Variants in PCDHA1 observed in about 807,000 individuals in gnomAD.
The protein encoded by PCDHA1 is protocadherin alpha 1, also known as protocadherin alpha-1.
In PCDHA1, 42 loss-of-function variants were observed where a neutral mutation model predicts 61.3. The ratio of observed to expected loss-of-function variants is 0.69; its 90% CI spans 0.54 to 0.89. The LOEUF is 0.89. PCDHA1 is among the 40% of genes least tolerant of loss of function. The probability of loss-of-function intolerance (pLI) is 0.00; values close to 1 mark genes in which losing one functional copy is unlikely to be tolerated. For missense variants in PCDHA1, 1,256 were observed against 1,235.3 expected, an observed-to-expected ratio of 1.02 and a Z score of -0.25; for synonymous variants, 610 against 553.8, an observed-to-expected ratio of 1.10 and a Z score of -1.43.
chr5:140,851,254 A>G (rs2150271165), intron 1 of PCDHA1: 1 of 1,091,684 alleles, frequency 9.2e-7, no homozygotes, highest in East Asian at 4.0e-5. Context: ...GATGCATAGT[A>G]TTTTAGTCTA....
intron 1 of PCDHA1, among the ~76,000 whole-genome samples, chr5:140,941,202 C>CCTTTCTTCCTTTCTTTCTTTCTTTCTTT (rs1394736170): frequency 6.0e-4 from 74 of 122,806 alleles, no homozygotes; most frequent in Middle Eastern, 4.2e-3. Flanking sequence ...TTTCTTTCTT[C>CCTTTCTTCCTTTCTTTCTTTCTTTCTTT]CTTTCTTTCT....
chr5:140,899,056 G>C (rs1370417194), intron 1 of PCDHA1, among the ~76,000 whole-genome samples: 14 of 152,060 alleles, frequency 9.2e-5, no homozygotes, highest in Non-Finnish European at 2.9e-5. Flanking sequence ...CTGAGACTTT[G>C]CTGAAGTTGC....
chr5:140,823,828 G>A, intron 1 of PCDHA1: 1 of 1,613,824 alleles, frequency 6.2e-7, no homozygotes, highest in Non-Finnish European at 8.5e-7. Context: ...GTCGGCGGGC[G>A]CTGTGGGTCC....
At chr5:140,939,768 G>A (rs1241071492) in intron 1 of PCDHA1, among the ~76,000 whole-genome samples, 1 of 152,162 alleles carries the variant, frequency 6.6e-6, no homozygotes, top group Non-Finnish European at 1.5e-5. Context: ...TAGTATTTCA[G>A]GGTGTGAATG....
chr5:140,806,250 T>A (rs1351853835), intron 1 of PCDHA1, among the ~76,000 whole-genome samples: 8 of 152,148 alleles, frequency 5.3e-5, no homozygotes, highest in Non-Finnish European at 1.0e-4. Context: ...AAAAAAGCTA[T>A]TGGAAGCAGG....
rs976941925 is a variant in PCDHA1, at chr5:140,854,525, C to T, written c.2394+65841C>T. 1.3e-5 allele frequency: 2 copies of T among 149,636 alleles called. 1 individual carries two copies. The highest frequency in any genetic ancestry group is 4.9e-5 in the African/African-American group (2 of 40,820). 9.3% of individuals were successfully genotyped at this position (149,636 alleles called of 1,614,324 possible). A position where few individuals can be genotyped will look rare whatever the true frequency, so the allele number is the denominator to read the frequency against. On this transcript the variant is annotated intron_variant, in intron 1 of 3. Transcript: ENST00000504120. ...CATAAACTGATGGATTAAGTGACAC[C>T]CATTTCTGTCAGTTTTCTTATTCAT...
rs1554117607 is a variant in PCDHA1, at chr5:140,786,938, T to C, written c.648T>C (p.Asp216=). The part of the protein sequence containing the change: ...PELHLLLTAT[D]GGKPELQGTV... ...TTCACTTATTACTGACTGCCACTGA[T>C]GGGGGCAAACCGGAGCTGCAAGGTA... Residue 216 remains aspartate, a synonymous_variant, in exon 1 of 4, where the codon GAT becomes GAC. Coordinates refer to ENST00000504120, the MANE Select transcript of PCDHA1 (RefSeq NM_018900.4). 9.9e-6 allele frequency: 16 copies of C among 1,614,022 alleles called. No homozygotes were observed. Among genetic ancestry groups the C allele is most frequent in the Non-Finnish European group, 1.4e-5 (16 of 1,180,022 alleles).
At chr5:140,989,810 AT>A (rs2097361628) in intron 3 of PCDHA1, among the ~76,000 whole-genome samples, 1 of 152,192 alleles carries the variant, frequency 6.6e-6, no homozygotes, top group Non-Finnish European at 1.5e-5. Context: ...GGGCCATAAG[AT>A]TGGTCACTGC....
At chr5:140,816,574 A>G (rs1442058742) in intron 1 of PCDHA1, 2 of 150,942 alleles carry the variant, frequency 1.3e-5, no homozygotes, top group African/African-American at 4.9e-5. Context: ...CTGTTTTCTC[A>G]TATTCCTTAT....
chr5:140,827,752 C>A (rs1357431971), intron 1 of PCDHA1, among the ~76,000 whole-genome samples: 1 of 152,200 alleles, frequency 6.6e-6, no homozygotes, highest in Non-Finnish European at 1.5e-5. Context: ...AGATCCCTTA[C>A]TTTAAATTAA....
At chr5:140,802,043 T>C (rs782776274) in intron 1 of PCDHA1, 1 of 1,614,190 alleles carries the variant, frequency 6.2e-7, no homozygotes, top group East Asian at 2.2e-5. Flanking sequence ...ATTCTTTCAA[T>C]ACGGACATGT....
At chr5:140,807,492 G>T in intron 1 of PCDHA1, 5 of 1,613,712 alleles carry the variant, frequency 3.1e-6, no homozygotes, top group Non-Finnish European at 8.5e-7. Context: ...AGCGCGGAGT[G>T]CAGCATCCAC....
intron 1 of PCDHA1, chr5:140,869,581 G>A: frequency 1.9e-6 from 3 of 1,614,134 alleles, no homozygotes; most frequent in East Asian, 2.2e-5. Flanking sequence ...AGCTTCTGAT[G>A]CTGACATTGA....
chr5:140,856,396 C>T, intron 1 of PCDHA1: 1 of 1,598,526 alleles, frequency 6.3e-7, no homozygotes, highest in Non-Finnish European at 8.6e-7. Context: ...TGCAGGTTTT[C>T]CATGTGGACG....
chr5:140,875,993 T>C lies in PCDHA1; in HGVS notation c.2394+87309T>C, dbSNP rs574636926. 5 of 1,613,988 alleles carry C rather than the reference T, an allele frequency of 3.1e-6. No homozygotes were observed. The Admixed American group carries it at 6.7e-5, about 22-fold the overall frequency. On this transcript the variant is annotated intron_variant, in intron 1 of 3. Transcript: ENST00000504120. The stretch of plus-strand genomic sequence containing the variant: ...TCTCTTTTGACCTATGCGTTAAGTC[T>C]AAATGAGAATTTTGAGCTTAAAATA...
intron 1 of PCDHA1, chr5:140,862,764 G>A (rs375357178): frequency 5.0e-5 from 29 of 577,184 alleles, no homozygotes; most frequent in Middle Eastern, 5.6e-4. Flanking sequence ...GCGGCAAGAG[G>A]TACGCGTTGC....
chr5:140,836,738 T>C, intron 1 of PCDHA1: 1 of 1,603,644 alleles, frequency 6.2e-7, no homozygotes, highest in Non-Finnish European at 8.5e-7. Flanking sequence ...CTACAGACAA[T>C]GTGAGTCATA....
intron 1 of PCDHA1, chr5:140,870,960 C>T: frequency 6.2e-7 from 1 of 1,613,670 alleles, no homozygotes; most frequent in Non-Finnish European, 8.5e-7. Context: ...GCTCGCGCAT[C>T]CCGTTCCGCG....
intron 1 of PCDHA1, among the ~76,000 whole-genome samples, chr5:140,912,146 T>G (rs1248730371): frequency 6.6e-6 from 1 of 152,202 alleles, no homozygotes; most frequent in Admixed American, 6.5e-5. Flanking sequence ...CATGTTCTTC[T>G]GCCTGTTTTT....
Sources: allele counts gnomAD v4.1 joint callset (sites outside exome capture counted in the v4.1 genomes callset), GRCh38; gene constraint gnomAD v4.1.1; transcripts MANE v1.5; gene names NCBI Gene and HGNC (gene_info 2026-07-23, HGNC 2026-07-21).